The following TOGARAM1 variants were observed in gnomAD, a reference collection of about 807,000 sequenced individuals.
TOGARAM1 encodes the protein TOG array regulator of axonemal microtubules protein 1.
TOGARAM1 carries 100 observed loss-of-function variants against 166.6 expected under a neutral mutation model. The observed-to-expected ratio is 0.60, with a 90% CI of 0.51 to 0.71. The LOEUF is 0.71. Ranked by LOEUF, TOGARAM1 falls within the 30% of genes least tolerant of loss-of-function variation. The pLI, the probability that TOGARAM1 is intolerant of heterozygous loss-of-function variation, is 0.00. For missense variants in TOGARAM1, 2,029 were observed against 2,102.7 expected (o/e 0.96, Z 0.69); for synonymous variants, 758 against 763.8 (o/e 0.99, Z 0.13).
chr14:45,049,909 T>C (rs1157108344), intron 14 of TOGARAM1, among the ~76,000 whole-genome samples: 3 of 152,242 alleles, frequency 2.0e-5, no homozygotes, highest in Non-Finnish European at 4.4e-5. Flanking sequence ...ATAGTAATTC[T>C]TTCTAGCCCA....
At chr14:45,020,454 T>G in intron 7 of TOGARAM1, among the ~76,000 whole-genome samples, 1 of 152,202 alleles carries the variant, frequency 6.6e-6, no homozygotes, top group Non-Finnish European at 1.5e-5. Context: ...TGAGATAGTT[T>G]GTAGTAGAAC....
intron 1 of TOGARAM1, among the ~76,000 whole-genome samples, chr14:44,970,078 A>C (rs1415424326): frequency 6.6e-6 from 1 of 152,208 alleles, no homozygotes; most frequent in Non-Finnish European, 1.5e-5. Flanking sequence ...CCAAAAAATA[A>C]GTTGCTGAGA....
intron 14 of TOGARAM1, among the ~76,000 whole-genome samples, chr14:45,048,829 T>G (rs1265480819): frequency 6.6e-6 from 1 of 151,186 alleles, no homozygotes; most frequent in Non-Finnish European, 1.5e-5. Flanking sequence ...ATACAAAAAT[T>G]AGCTGGGCGT....
Position 45,073,422 on chromosome 14 carries a change from G to A in TOGARAM1, c.5183G>A (p.Arg1728Gln), listed in dbSNP as rs755221279. The change falls in exon 20 of 20, where the codon CGA becomes CAA. Residue 1728 changes from arginine to glutamine, a missense_variant. Around this residue, in one of 2 missense-constraint regions of TOGARAM1, gnomAD observed 576 missense variants for 670.5 expected, o/e 0.86. Coordinates refer to ENST00000361462, the MANE Select transcript of TOGARAM1 (RefSeq NM_001308120.2). ...CTGCCTGGAGCTGGAGGAAATATAC[G>A]AACAGCCACAGCTAAATTATCAAAA... ...GSLPGAGGNI[R>Q]TATAKLSKAL... 12 of 1,614,016 alleles carry A rather than the reference G, an allele frequency of 7.4e-6. No individual in the cohort carries two copies. The highest frequency in any genetic ancestry group is 4.4e-5 in the South Asian group (4 of 91,086).
At position 45,028,409 on chromosome 14, in the gene TOGARAM1, A is replaced by G. The variant is rs190318170; in HGVS notation, c.3658+80A>G. The G allele has an allele frequency of 3.9e-3, 5,297 of 1,375,654 alleles. 17 individuals carry two copies. The highest frequency in any genetic ancestry group is 4.4e-3 in the Non-Finnish European group (4,415 of 1,001,390). 85.2% of individuals were successfully genotyped at this position (1,375,654 alleles called of 1,614,324 possible). On this transcript the variant is annotated intron_variant, in intron 10 of 19. Transcript: ENST00000361462. ...GTGAAATGAGGTTTCACTGAGGGTA[A>G]TATATGACTAAGAATGAAATATCTT...
rs1264121468 is a variant in TOGARAM1 at position 45,056,535 on chromosome 14, T to G, written c.4559+1986T>G. Among the ~76,000 whole-genome samples, 3 of 152,212 alleles carry G rather than the reference T, an allele frequency of 2.0e-5. No individual in the cohort carries two copies. The East Asian group carries it at 5.8e-4, about 29-fold the overall frequency. On this transcript the variant is annotated intron_variant, in intron 16 of 19. Coordinates refer to ENST00000361462, the MANE Select transcript of TOGARAM1 (RefSeq NM_001308120.2). ...ATGGCCTTTATTATGTTGAGGTATG[T>G]TCCTTCTGTGCCTATTTTGTTGAGG...
At chr14:44,987,529 G>A (rs1366329163) in intron 1 of TOGARAM1, among the ~76,000 whole-genome samples, 4 of 152,072 alleles carry the variant, frequency 2.6e-5, no homozygotes, top group Non-Finnish European at 5.9e-5. Flanking sequence ...GGCCATCAGA[G>A]AAATGCAAAT....
At chr14:45,022,072 C>G (rs754767751) in intron 7 of TOGARAM1, among the ~76,000 whole-genome samples, 1 of 151,894 alleles carries the variant, frequency 6.6e-6, no homozygotes, top group African/African-American at 2.4e-5. Flanking sequence ...TTCATTTTCT[C>G]GACCTTCCCC....
chr14:45,025,715 T>C, intron 7 of TOGARAM1, 68 bp from the exon 8 acceptor site: 1 of 831,646 alleles, frequency 1.2e-6, no homozygotes, highest in Non-Finnish European at 2.0e-6. Context: ...TATGTTACAA[T>C]ATCCTAAGAT....
intron 16 of TOGARAM1, 118 bp from the exon 17 acceptor site, chr14:45,066,460 T>A: frequency 1.1e-6 from 1 of 900,996 alleles, no homozygotes; most frequent in South Asian, 2.1e-5. Context: ...AGCCACAGTT[T>A]TTTGCATTTT....
intron 1 of TOGARAM1, among the ~76,000 whole-genome samples, chr14:44,964,875 C>T (rs753365483): frequency 1.4e-5 from 2 of 140,182 alleles, no homozygotes; most frequent in Non-Finnish European, 3.0e-5. Flanking sequence ...TTAACAAATT[C>T]GTTAAGTGCT....
chr14:45,022,806 C>G (rs1880601000), intron 7 of TOGARAM1: 2 of 151,942 alleles, frequency 1.3e-5, no homozygotes, highest in Non-Finnish European at 2.9e-5. Context: ...CTTCTATTTC[C>G]CTTTCCTTTC....
intron 1 of TOGARAM1, among the ~76,000 whole-genome samples, chr14:44,981,841 CTTTTTTTTTT>C (rs56409455): frequency 1.2e-5 from 1 of 80,308 alleles, no homozygotes; most frequent in Non-Finnish European, 2.6e-5. Context: ...TTTTCACTTA[CTTTTTTTTTT>C]TTTTTTTTTT....
intron 16 of TOGARAM1, among the ~76,000 whole-genome samples, chr14:45,057,801 A>G (rs1252760265): frequency 4.6e-5 from 7 of 152,158 alleles, no homozygotes; most frequent in African/African-American, 1.7e-4. Context: ...TGCTCTAAGA[A>G]GATACTTGAT....
intron 11 of TOGARAM1, among the ~76,000 whole-genome samples, chr14:45,038,357 G>T (rs1881545343): frequency 6.6e-6 from 1 of 152,206 alleles, no homozygotes; most frequent in African/African-American, 2.4e-5. Context: ...GCTGTGCTTG[G>T]CTTTTGCTAC....
chr14:44,971,253 T>G (rs1885869974), intron 1 of TOGARAM1, among the ~76,000 whole-genome samples: 1 of 152,194 alleles, frequency 6.6e-6, no homozygotes, highest in African/African-American at 2.4e-5. Flanking sequence ...CCTAGTCAGA[T>G]TATCCATATC....
At chr14:45,070,151 C>T (rs1883316198) in intron 18 of TOGARAM1, among the ~76,000 whole-genome samples, 1 of 152,038 alleles carries the variant, frequency 6.6e-6, no homozygotes, top group Non-Finnish European at 1.5e-5. Flanking sequence ...CACTGCACTT[C>T]AGCCTGGATG....
At chr14:45,002,173 G>A (rs1405328045) in intron 3 of TOGARAM1, among the ~76,000 whole-genome samples, 2 of 152,038 alleles carry the variant, frequency 1.3e-5, no homozygotes, top group African/African-American at 4.8e-5. Flanking sequence ...TATCCTTTGT[G>A]GTATTATCTG....
At chr14:45,055,830 G>C (rs1882606625) in intron 16 of TOGARAM1, among the ~76,000 whole-genome samples, 1 of 145,470 alleles carries the variant, frequency 6.9e-6, no homozygotes, top group Admixed American at 6.8e-5. Flanking sequence ...GATTGCTTTG[G>C]CTACTTGGGC....
Sources: allele counts gnomAD v4.1 joint callset (sites outside exome capture counted in the v4.1 genomes callset), GRCh38; gene constraint gnomAD v4.1.1; regional missense constraint gnomAD v4.1.1; transcripts MANE v1.5; gene names NCBI Gene and HGNC (gene_info 2026-07-23, HGNC 2026-07-21).